Variants in SLC49A3 observed in about 807,000 individuals in gnomAD.
SLC49A3 encodes solute carrier family 49 member 3.
A neutral mutation model predicts 43.8 loss-of-function variants in SLC49A3; 50 were observed. The ratio of observed to expected loss-of-function variants is 1.14; its 90% confidence interval spans 0.91 to 1.45. The LOEUF (loss-of-function observed/expected upper bound fraction) is 1.45, where lower values mean the gene tolerates loss of function less well. Among genes scored for constraint, SLC49A3 ranks in the 40% most tolerant of loss-of-function variants. The pLI is 0.00. For synonymous variants in SLC49A3, 413 were observed against 352.0 expected, an observed-to-expected ratio of 1.17 and a Z score of -1.94; for missense variants, 906 against 774.1, an observed-to-expected ratio of 1.17 and a Z score of -2.02.
At chr4:681,256 A>G (rs1368599822), downstream of SLC49A3, 4 of 1,254,832 alleles carry the variant, frequency 3.2e-6, no homozygotes, top group Non-Finnish European at 2.2e-6. Flanking sequence ...GACCCAGGAC[A>G]GAACAGGCCC....
chr4:686,849 C>T (rs1444404629), intron 1 of SLC49A3, among the ~76,000 whole-genome samples, 159 bp from the exon 2 acceptor site: 2 of 152,130 alleles, frequency 1.3e-5, no homozygotes, highest in African/African-American at 4.8e-5. Context: ...GAGAGCGCCA[C>T]CCTGCCTCCC....
chr4:677,033 C>T (rs950862933), downstream of SLC49A3: 12 of 595,100 alleles, frequency 2.0e-5, no homozygotes, highest in African/African-American at 1.4e-4. Flanking sequence ...CTTGCAGACA[C>T]GGTGGCGCCC....
downstream of SLC49A3, chr4:679,067 G>T: frequency 6.3e-7 from 1 of 1,592,830 alleles, no homozygotes; most frequent in African/African-American, 1.3e-5. Context: ...CAGAGCCCTT[G>T]GAGGAGGCGA....
rs140124252 is a variant in SLC49A3, at chr4:686,307, G to A, written c.295-5C>T. The A allele has an allele frequency of 3.6e-4, 575 of 1,612,818 alleles. 1 individual carries two copies. The African/African-American group carries it at 6.0e-3, about 17-fold the overall frequency. ...CAGCCACGCACCCAGGATGGTCTGC[G>A]AGGAGGGGGTCGGGGACCGGGTCAG... On this transcript the variant is annotated splice_polypyrimidine_tract_variant and splice_region_variant and intron_variant, in intron 2 of 9. Coordinates refer to ENST00000322224, the MANE Select transcript of SLC49A3 (RefSeq NM_032219.4).
chr4:678,491 C>G, downstream of SLC49A3: 1 of 1,439,316 alleles, frequency 6.9e-7, no homozygotes, highest in Non-Finnish European at 9.1e-7. Flanking sequence ...GCCCCCAACC[C>G]CAGCTACCCA....
chr4:678,030 G>T (rs1234752398), downstream of SLC49A3: 8 of 1,613,406 alleles, frequency 5.0e-6, no homozygotes, highest in Admixed American at 1.3e-4. Flanking sequence ...AGCAGGCATG[G>T]TGAGCAGGCC....
At chr4:680,588 G>C, downstream of SLC49A3, 1 of 1,612,474 alleles carries the variant, frequency 6.2e-7, no homozygotes, top group Non-Finnish European at 8.5e-7. Flanking sequence ...ACAAGGAGTA[G>C]TGAGTGCCCG....
intron 1 of SLC49A3, among the ~76,000 whole-genome samples, chr4:687,638 G>A (rs577063044): frequency 9.8e-5 from 15 of 152,374 alleles, no homozygotes; most frequent in African/African-American, 3.6e-4. Flanking sequence ...ACTGAGAAGA[G>A]ATGCGTCTGA....
In SLC49A3 at chr4:683,272, C is replaced by T. The variant is rs1560166084; in HGVS notation, c.1089G>A (p.Leu363=). The T allele has an allele frequency of 2.5e-6, 4 of 1,611,822 alleles. No homozygotes were observed. The highest frequency in any genetic ancestry group is 4.5e-5 in the East Asian group (2 of 44,824). ...GFSVGPVAME[L]AVECSFPVGE... ...CCACGGGGAAGGAACACTCGACCGC[C>T]AACTCCATGGCCACGGGGCCCACCG... is the stretch of plus-strand genomic sequence containing the variant. The change falls in exon 8 of 10, where the codon TTG becomes TTA. Residue 363 remains leucine (L), a synonymous_variant. Coordinates refer to ENST00000322224, the MANE Select transcript of SLC49A3 (RefSeq NM_032219.4).
At chr4:676,843 C>T (rs1421862164), downstream of SLC49A3, 2 of 980,642 alleles carry the variant, frequency 2.0e-6, no homozygotes, top group Non-Finnish European at 2.4e-6. Flanking sequence ...GGCCCCAGGT[C>T]CCTCCTGGGC....
Position 689,074 on chromosome 4 carries a change from GCA to G in SLC49A3, c.52_53del (p.Cys18ArgfsTer37). 1.3e-6 allele frequency: 2 copies of G among 1,566,232 alleles called. No individual in the cohort carries two copies. ...CGTAGGTGCGGTGGCCCCGCTGCGC[GCA>G]CAGGGCCCGGGGCTCGGCCAACCCC... The part of the protein sequence containing the change: ...ETGLAEPRAL[C>X]AQRGHRTYAR... On this transcript the variant is annotated frameshift_variant, in exon 1 of 10. Coordinates refer to ENST00000322224, the MANE Select transcript of SLC49A3 (RefSeq NM_032219.4). LOFTEE classifies it high-confidence loss of function.
In SLC49A3 at chr4:683,773, G is replaced by A. The variant is rs1172497343; in HGVS notation, c.841-12C>T. 8 of 1,552,290 alleles carry A rather than the reference G, an allele frequency of 5.2e-6. No individual in the cohort carries two copies. The highest frequency in any genetic ancestry group is 2.4e-5 in the East Asian group (1 of 41,408). The stretch of plus-strand genomic sequence containing the variant: ...AGGCCGGAAAACCCCTGGAGGAGGC[G>A]AGAAGAGGCCAGGGCCCCAAGAGGC... On this transcript the variant is annotated splice_polypyrimidine_tract_variant and intron_variant, in intron 6 of 9. Coordinates refer to ENST00000322224, the MANE Select transcript of SLC49A3 (RefSeq NM_032219.4).
rs1560168380 is a variant in SLC49A3, at chr4:683,770, G to C, written c.841-9C>G. On this transcript the variant is annotated splice_polypyrimidine_tract_variant and intron_variant, in intron 6 of 9. Transcript: ENST00000322224. ...CAGAGGCCGGAAAACCCCTGGAGGA[G>C]GCGAGAAGAGGCCAGGGCCCCAAGA... 6.4e-7 allele frequency: 1 copy of C among 1,551,934 alleles called. No individual in the cohort carries two copies. Among genetic ancestry groups the C allele is most frequent in the Non-Finnish European group, 8.7e-7 (1 of 1,147,968 alleles).
In SLC49A3 at chr4:686,284, G is replaced by C. The variant is rs146271534; in HGVS notation, c.313C>G (p.Leu105Val). ...LRAATILGAW[L>V]NFAGSVLRMV... Reference sequence around the variant, plus strand: ...CGTAGCACACTCCCGGCAAAGTTCAGCCACGCACCCAGGATGGTCTGCGAG... The same window carrying C: ...CGTAGCACACTCCCGGCAAAGTTCACCCACGCACCCAGGATGGTCTGCGAG... Residue 105 changes from leucine to valine, a missense_variant, in exon 3 of 10, where the codon CTG (leucine) becomes GTG (valine). Coordinates refer to ENST00000322224, the MANE Select transcript of SLC49A3 (RefSeq NM_032219.4). 8 of 1,613,308 alleles carry C rather than the reference G, an allele frequency of 5.0e-6. No individual in the cohort carries two copies. The African/African-American group carries it at 6.7e-5, about 13-fold the overall frequency.
At chr4:681,151 C>A (rs982670105), downstream of SLC49A3, 1 of 1,601,708 alleles carries the variant, frequency 6.2e-7, no homozygotes, top group Non-Finnish European at 8.5e-7. Context: ...GTCTGGCCCG[C>A]GGCTTCCCTG....
downstream of SLC49A3, chr4:676,940 G>C: frequency 5.1e-6 from 5 of 985,304 alleles, no homozygotes; most frequent in Non-Finnish European, 6.0e-6. Flanking sequence ...CAGCATCTCA[G>C]GGGACGCCAA....
chr4:684,447 C>T, intron 6 of SLC49A3, 36 bp downstream of exon 6: 1 of 1,609,262 alleles, frequency 6.2e-7, no homozygotes, highest in Non-Finnish European at 8.5e-7. Context: ...GGGCGGATGA[C>T]AGAGGCAGGG....
downstream of SLC49A3, among the ~76,000 whole-genome samples, chr4:677,685 G>GC (rs1214228306): frequency 3.9e-5 from 6 of 152,160 alleles, no homozygotes; most frequent in Non-Finnish European, 8.8e-5. Flanking sequence ...GGGTGCCCAG[G>GC]CCCCCAGCCA....
At chr4:680,663 T>C (rs891688583), downstream of SLC49A3, 8 of 1,468,092 alleles carry the variant, frequency 5.4e-6, no homozygotes, top group Non-Finnish European at 7.5e-6. Flanking sequence ...AAAGGGACAG[T>C]CAGCCACCAG....
Sources: allele counts gnomAD v4.1 joint callset (sites outside exome capture counted in the v4.1 genomes callset), GRCh38; gene constraint gnomAD v4.1.1; transcripts MANE v1.5; gene names NCBI Gene and HGNC (gene_info 2026-07-23, HGNC 2026-07-21).